POU2F3: variants seen among roughly 807,000 people sequenced by gnomAD.
POU2F3 encodes the protein POU class 2 homeobox 3, also known as POU domain, class 2, transcription factor 3.
In POU2F3, 23 loss-of-function variants were observed where a neutral mutation model predicts 59.2. The ratio of observed to expected loss-of-function variants is 0.39; its 90% CI spans 0.28 to 0.55. The LOEUF is 0.55. Ranked by LOEUF, POU2F3 falls within the 20% of genes least tolerant of loss-of-function variation. POU2F3 has a pLI of 0.66. For synonymous variants in POU2F3, 190 were observed against 214.6 expected, an observed-to-expected ratio of 0.89 and a Z score of 1.00; for missense variants, 473 against 544.5, an observed-to-expected ratio of 0.87 and a Z score of 1.31.
chr11:120,249,762 G>A (rs560146149), intron 2 of POU2F3: 2 of 152,244 alleles, frequency 1.3e-5, no homozygotes, highest in Admixed American at 6.6e-5. Context: ...TCCCACAGCA[G>A]GCACATGTAG....
At chr11:120,260,405 T>C (rs1218537961) in intron 2 of POU2F3, among the ~76,000 whole-genome samples, 5 of 152,198 alleles carry the variant, frequency 3.3e-5, no homozygotes, top group Non-Finnish European at 7.3e-5. Flanking sequence ...TGTCCACAGA[T>C]GCCAAGGGGA....
chr11:120,273,360 C>A (rs541688735), intron 3 of POU2F3, among the ~76,000 whole-genome samples: 2 of 152,126 alleles, frequency 1.3e-5, no homozygotes, highest in African/African-American at 4.8e-5. Context: ...CTAAGCTCTA[C>A]CTAAGGATAT....
At chr11:120,304,855 C>T (rs1156301173) in intron 6 of POU2F3, among the ~76,000 whole-genome samples, 175 bp from the exon 7 acceptor site, 1 of 144,132 alleles carries the variant, frequency 6.9e-6, no homozygotes, top group African/African-American at 2.6e-5. Context: ...ACTTTAATTT[C>T]CACTTCCATG....
chr11:120,299,166 A>G (rs1941274189), intron 4 of POU2F3, among the ~76,000 whole-genome samples: 1 of 151,732 alleles, frequency 6.6e-6, no homozygotes, highest in Admixed American at 6.6e-5. Flanking sequence ...CCACCCCAAC[A>G]CCCTCCAGGA....
At chr11:120,264,545 G>A (rs1939746815) in intron 2 of POU2F3, among the ~76,000 whole-genome samples, 1 of 152,186 alleles carries the variant, frequency 6.6e-6, no homozygotes. Context: ...CATATGCAAA[G>A]TCCCCAACAC....
intron 3 of POU2F3, among the ~76,000 whole-genome samples, chr11:120,280,539 G>A (rs370397297): frequency 6.6e-6 from 1 of 152,158 alleles, no homozygotes; most frequent in African/African-American, 2.4e-5. Flanking sequence ...ACTTGCCCAA[G>A]GTGGAGCTCA....
At chr11:120,311,626 A>G (rs1489791788) in intron 10 of POU2F3, among the ~76,000 whole-genome samples, 2 of 152,184 alleles carry the variant, frequency 1.3e-5, no homozygotes, top group Admixed American at 1.3e-4. Context: ...TTCAGTTCTT[A>G]TGTCATCATG....
chr11:120,250,847 G>A (rs1939066478), intron 2 of POU2F3, among the ~76,000 whole-genome samples: 1 of 152,058 alleles, frequency 6.6e-6, no homozygotes, highest in Admixed American at 6.6e-5. Context: ...CGTGGTAGTG[G>A]GCACCTGTAA....
Position 120,240,191 on chromosome 11 carries a change from C to G in POU2F3, c.-153C>G, listed in dbSNP as rs1938599933. 6 of 1,232,278 alleles carry G rather than the reference C, an allele frequency of 4.9e-6. No homozygotes were observed. The highest frequency in any genetic ancestry group is 4.3e-5 in the Admixed American group (1 of 23,156). The allele number at this position is 1,232,278 out of a possible 1,614,324, so 76.3% of individuals were successfully genotyped here. On this transcript the variant is annotated 5_prime_UTR_variant, in exon 1 of 13. Coordinates refer to ENST00000543440, the MANE Select transcript of POU2F3 (RefSeq NM_014352.4). ...TGTTGCCCGGGCCGGAGCAGCGGAG[C>G]GCGCGACAGTGGCGGCGACGGCTCC... is the stretch of plus-strand genomic sequence containing the variant.
At chr11:120,292,191 T>C (rs1941047147) in intron 3 of POU2F3, among the ~76,000 whole-genome samples, 1 of 152,082 alleles carries the variant, frequency 6.6e-6, no homozygotes, top group Non-Finnish European at 1.5e-5. Flanking sequence ...AGTGAAGTAA[T>C]GTAATATTAG....
upstream of POU2F3, chr11:120,236,790 T>G: frequency 1.5e-6 from 2 of 1,311,628 alleles, no homozygotes; most frequent in Admixed American, 3.9e-5. Context: ...GGAATAAAGA[T>G]TGCTCACCAT....
At chr11:120,307,883 T>A (rs1217280236) in intron 9 of POU2F3, among the ~76,000 whole-genome samples, 1 of 152,230 alleles carries the variant, frequency 6.6e-6, no homozygotes, top group East Asian at 1.9e-4. Flanking sequence ...CTGGGAGATT[T>A]AAAGAATGGG....
chr11:120,288,561 C>A (rs937433587), intron 3 of POU2F3, among the ~76,000 whole-genome samples: 3 of 152,164 alleles, frequency 2.0e-5, no homozygotes, highest in African/African-American at 7.2e-5. Context: ...CCGTTTATGA[C>A]CCTGTTTTCC....
At chr11:120,311,948 G>A (rs1239815182) in intron 10 of POU2F3, among the ~76,000 whole-genome samples, 1 of 152,122 alleles carries the variant, frequency 6.6e-6, no homozygotes, top group Non-Finnish European at 1.5e-5. Flanking sequence ...TGTTGGGCAG[G>A]AATGAGCCCC....
chr11:120,277,025 T>C (rs1940358609), intron 3 of POU2F3, among the ~76,000 whole-genome samples: 1 of 151,946 alleles, frequency 6.6e-6, no homozygotes, highest in East Asian at 1.9e-4. Flanking sequence ...ATGCATTTTT[T>C]ACTAAAAAAT....
intron 3 of POU2F3, among the ~76,000 whole-genome samples, chr11:120,273,728 C>A (rs1436500927): frequency 1.3e-5 from 2 of 152,070 alleles, no homozygotes; most frequent in Non-Finnish European, 2.9e-5. Context: ...GAAAGTTATG[C>A]ACACAGGCCA....
Position 120,246,537 on chromosome 11 carries a change from G to A in POU2F3, c.97+20G>A, listed in dbSNP as rs200908565. On this transcript the variant is annotated intron_variant, in intron 2 of 12. Coordinates refer to ENST00000543440, the MANE Select transcript of POU2F3 (RefSeq NM_014352.4). ...AGCCAGGTAAGGGTCTTCTCTTCTC[G>A]GGGATGGAGGGGGTGGGGGGAAGAG... is the stretch of plus-strand genomic sequence containing the variant. The A allele has an allele frequency of 2.0e-5, 32 of 1,609,406 alleles. No homozygotes were observed. The highest frequency in any genetic ancestry group is 1.6e-4 in the Middle Eastern group (1 of 6,076).
chr11:120,261,024 C>G (rs1042557561), intron 2 of POU2F3, among the ~76,000 whole-genome samples: 1 of 151,966 alleles, frequency 6.6e-6, no homozygotes, highest in African/African-American at 2.4e-5. Context: ...CATGATTGCA[C>G]CACTGCACTC....
upstream of POU2F3, chr11:120,236,692 G>T (rs921464534): frequency 2.4e-5 from 36 of 1,505,332 alleles, no homozygotes; most frequent in Middle Eastern, 1.0e-3. Flanking sequence ...TCCAAGAACT[G>T]CTAAAGGAGG....
Sources: allele counts gnomAD v4.1 joint callset (sites outside exome capture counted in the v4.1 genomes callset), GRCh38; gene constraint gnomAD v4.1.1; transcripts MANE v1.5; gene names NCBI Gene and HGNC (gene_info 2026-07-23, HGNC 2026-07-21).